Variants in PIK3C2G observed in about 807,000 individuals in gnomAD.
The protein encoded by PIK3C2G is phosphatidylinositol 3-kinase C2 domain-containing subunit gamma.
A neutral mutation model predicts 181.1 loss-of-function variants in PIK3C2G; 168 were observed. That is an observed-to-expected ratio of 0.93 (90% CI 0.82 to 1.05). The LOEUF is 1.05. PIK3C2G is among the 50% of genes least tolerant of loss of function. The probability of loss-of-function intolerance (pLI) is 0.00; values close to 1 mark genes in which losing one functional copy is unlikely to be tolerated. For missense variants in PIK3C2G, 1,869 were observed against 1,732.8 expected, an observed-to-expected ratio of 1.08 and a Z score of -1.40; for synonymous variants, 573 against 592.2, an observed-to-expected ratio of 0.97 and a Z score of 0.47.
At chr12:18,692,101 T>C in the PIK3C2G span, among the ~76,000 whole-genome samples, 2 of 152,146 alleles carry the variant, frequency 1.3e-5, no homozygotes, top group African/African-American at 4.8e-5. Context: ...CCAGCATTTC[T>C]TGCACTCTAA....
chr12:18,620,460 T>A (rs1948803735), intron 31 of PIK3C2G, among the ~76,000 whole-genome samples: 2 of 152,116 alleles, frequency 1.3e-5, no homozygotes, highest in African/African-American at 4.8e-5. Flanking sequence ...ATTCTTAACC[T>A]ATTTGTGTCT....
intron 18 of PIK3C2G, among the ~76,000 whole-genome samples, chr12:18,478,757 T>C (rs983521784): frequency 1.8e-4 from 27 of 152,122 alleles, no homozygotes; most frequent in Non-Finnish European, 3.2e-4. Flanking sequence ...GCCAGATCGC[T>C]TGAGCCCAAG....
intron 30 of PIK3C2G, among the ~76,000 whole-genome samples, chr12:18,604,685 T>C (rs1300002794): frequency 2.0e-5 from 3 of 152,172 alleles, no homozygotes; most frequent in African/African-American, 4.8e-5. Context: ...ATTGAAATTA[T>C]ATCAAACACT....
chr12:18,551,898 T>G (rs575642936), intron 26 of PIK3C2G, among the ~76,000 whole-genome samples: 2 of 152,226 alleles, frequency 1.3e-5, no homozygotes, highest in East Asian at 3.9e-4. Context: ...AGAGGCAAAC[T>G]CTTTGACTTA....
At chr12:18,384,885 G>C (rs1943068091) in intron 14 of PIK3C2G, among the ~76,000 whole-genome samples, 1 of 152,160 alleles carries the variant, frequency 6.6e-6, no homozygotes, top group Non-Finnish European at 1.5e-5. Flanking sequence ...CTCTCAGCAT[G>C]ATTTTAATTG....
chr12:18,267,975 C>T (rs981021819), intron 1 of PIK3C2G, among the ~76,000 whole-genome samples: 1 of 152,164 alleles, frequency 6.6e-6, no homozygotes. Flanking sequence ...ATGTGGCCCT[C>T]GTTGCTACTG....
In PIK3C2G at chr12:18,648,009, T is replaced by TA. The variant is rs1430711303; in HGVS notation, c.4443dup (p.Gly1482ArgfsTer17). 1 of 1,594,930 alleles carries TA rather than the reference T, an allele frequency of 6.3e-7. No individual in the cohort carries two copies. Among genetic ancestry groups the TA allele is most frequent in the South Asian group, 1.1e-5 (1 of 87,890 alleles). Reference sequence around the variant, plus strand: ...CTCGATAAAGAAAAATGGTATCCATTAGGAAACAGTATAATTTGACCATTG... The same window carrying TA: ...CTCGATAAAGAAAAATGGTATCCATTAAGGAAACAGTATAATTTGACCATTG... On this transcript the variant is annotated frameshift_variant, in exon 33 of 33. Coordinates refer to ENST00000538779, the MANE Select transcript of PIK3C2G (RefSeq NM_001288772.2). LOFTEE classifies it high-confidence loss of function.
chr12:18,554,413 C>T (rs972279980), intron 26 of PIK3C2G, among the ~76,000 whole-genome samples: 1 of 151,980 alleles, frequency 6.6e-6, no homozygotes, highest in African/African-American at 2.4e-5. Context: ...TGTGACATAT[C>T]CTTTTTAGTA....
chr12:18,503,302 A>G lies in PIK3C2G; in HGVS notation c.3038A>G (p.Asp1013Gly). 6.2e-7 allele frequency: 1 copy of G among 1,610,276 alleles called. No homozygotes were observed. The highest frequency in any genetic ancestry group is 8.5e-7 in the Non-Finnish European group (1 of 1,177,912). Residue 1013 changes from aspartate (D) to glycine (G), a missense_variant, in exon 23 of 33, where the codon GAT (aspartate) becomes GGT (glycine). Physicochemically the swap from Asp to Gly is moderately conservative, Grantham distance 94. Transcript: ENST00000538779. ...KDQGLVQMVP[D>G]AVTLAKIHRH... is the part of the protein sequence containing the mutation. Reference sequence around the variant, plus strand: ...CCAGGATTGGTGCAGATGGTACCTGATGCTGTGACCCTAGCAAAGATTCAT... The same window carrying G: ...CCAGGATTGGTGCAGATGGTACCTGGTGCTGTGACCCTAGCAAAGATTCAT...
intron 25 of PIK3C2G, among the ~76,000 whole-genome samples, chr12:18,543,722 C>T (rs151308167): frequency 1.3e-5 from 2 of 151,862 alleles, no homozygotes; most frequent in Admixed American, 6.6e-5. Context: ...TTATTTCTGG[C>T]CTCTCTATTT....
At position 18,387,552 on chromosome 12, in the gene PIK3C2G, CT is replaced by C. The variant is rs1259199932; in HGVS notation, c.1996-3569del. Among the ~76,000 whole-genome samples the C allele has an allele frequency of 2.0e-5, 3 of 152,144 alleles. No homozygotes were observed. The East Asian group carries it at 5.8e-4, about 29-fold the overall frequency. ...CCCCTTCACCCTCCACTGTCCACCC[CT>C]CCTCTGACTCTGTGTAAATGAGATT... On this transcript the variant is annotated intron_variant, in intron 14 of 32. Coordinates refer to ENST00000538779, the MANE Select transcript of PIK3C2G (RefSeq NM_001288772.2).
At chr12:18,332,788 AT>A (rs1241691515) in intron 8 of PIK3C2G, among the ~76,000 whole-genome samples, 1 of 152,100 alleles carries the variant, frequency 6.6e-6, no homozygotes, top group Non-Finnish European at 1.5e-5. Flanking sequence ...TTTGCTTCTT[AT>A]GCAAAAAGGA....
intron 24 of PIK3C2G, 59 bp downstream of exon 24, chr12:18,505,520 A>G (rs1941766034): frequency 8.2e-7 from 1 of 1,223,068 alleles, no homozygotes; most frequent in Non-Finnish European, 1.1e-6. Context: ...TATGTATAAC[A>G]TGTAATTGCA....
intron 3 of PIK3C2G, among the ~76,000 whole-genome samples, chr12:18,287,722 G>A (rs1949509780): frequency 6.6e-6 from 1 of 151,228 alleles, no homozygotes; most frequent in Non-Finnish European, 1.5e-5. Context: ...AAAATTGCTG[G>A]GTGTGGTGGC....
intron 31 of PIK3C2G, among the ~76,000 whole-genome samples, chr12:18,613,676 C>T (rs532520534): frequency 3.3e-5 from 5 of 151,952 alleles, no homozygotes; most frequent in East Asian, 1.9e-4. Flanking sequence ...ATTCCTCTAC[C>T]GTCTCTTTCA....
chr12:18,307,372 G>A (rs112240252), intron 5 of PIK3C2G, among the ~76,000 whole-genome samples: 2 of 151,678 alleles, frequency 1.3e-5, no homozygotes, highest in African/African-American at 4.8e-5. Context: ...TAGGATATGG[G>A]AAGAAAAAGC....
intron 24 of PIK3C2G, among the ~76,000 whole-genome samples, chr12:18,525,861 A>G (rs1943196119): frequency 6.6e-6 from 1 of 152,186 alleles, no homozygotes; most frequent in Admixed American, 6.5e-5. Flanking sequence ...TCCTATTGAA[A>G]TATTTACACC....
chr12:18,686,298 C>G, the PIK3C2G span, among the ~76,000 whole-genome samples: 1 of 151,914 alleles, frequency 6.6e-6, no homozygotes, highest in Non-Finnish European at 1.5e-5. Context: ...AGTTATAGCC[C>G]TACTTAAAAG....
At chr12:18,354,257 G>T (rs1940499918) in intron 11 of PIK3C2G, among the ~76,000 whole-genome samples, 3 of 152,210 alleles carry the variant, frequency 2.0e-5, no homozygotes, top group Admixed American at 2.0e-4. Flanking sequence ...AAGGGGACCT[G>T]GACCTTACTG....
Sources: allele counts gnomAD v4.1 joint callset (sites outside exome capture counted in the v4.1 genomes callset), GRCh38; gene constraint gnomAD v4.1.1; transcripts MANE v1.5; gene names NCBI Gene and HGNC (gene_info 2026-07-23, HGNC 2026-07-21).